GLIPR1: variants seen among roughly 807,000 people sequenced by gnomAD.
GLIPR1 encodes glioma pathogenesis-related protein 1.
GLIPR1 carries 38 observed loss-of-function variants against 30.3 expected under a neutral mutation model. The ratio of observed to expected loss-of-function variants is 1.26; its 90% CI spans 0.97 to 1.65. The LOEUF is 1.65. GLIPR1 is among the 40% of genes most tolerant of loss of function. The probability of loss-of-function intolerance (pLI) is 0.00; values close to 1 mark genes in which losing one functional copy is unlikely to be tolerated. For missense variants in GLIPR1, 285 were observed against 326.5 expected, an observed-to-expected ratio of 0.87 and a Z score of 0.98; for synonymous variants, 122 against 110.6, an observed-to-expected ratio of 1.10 and a Z score of -0.65.
At position 75,495,602 on chromosome 12, in the gene GLIPR1, A is replaced by G. The variant is rs1362606571; in HGVS notation, c.559A>G (p.Lys187Glu). The G allele has an allele frequency of 1.2e-6, 2 of 1,609,780 alleles. No individual in the cohort carries two copies. The highest frequency in any genetic ancestry group is 1.3e-5 in the African/African-American group (1 of 74,832). ...PGGNYPTWPY[K>E]RGATCSACPN... ...AGGGAATTACCCAACTTGGCCATATAAGAGAGGAGCCACCTGCAGTGCCTG... is the reference window on the plus strand; with the variant it reads ...AGGGAATTACCCAACTTGGCCATATGAGAGAGGAGCCACCTGCAGTGCCTG... Residue 187 changes from lysine (K) to glutamate (E), a missense_variant, in exon 4 of 6, where the codon AAG becomes GAG. By Grantham distance (56) the Lys-to-Glu change is moderately conservative (BLOSUM62 1). Coordinates refer to ENST00000266659, the MANE Select transcript of GLIPR1 (RefSeq NM_006851.3).
chr12:75,485,223 C>T (rs1170942008), intron 2 of GLIPR1, among the ~76,000 whole-genome samples: 1 of 152,076 alleles, frequency 6.6e-6, no homozygotes, highest in African/African-American at 2.4e-5. Flanking sequence ...AGATTCAGGC[C>T]CATTAACTCC....
At chr12:75,486,866 A>G (rs1003039599) in intron 2 of GLIPR1, among the ~76,000 whole-genome samples, 2 of 152,164 alleles carry the variant, frequency 1.3e-5, no homozygotes, top group South Asian at 2.1e-4. Flanking sequence ...AAAATATTCT[A>G]TATCTTGAAT....
intron 2 of GLIPR1, chr12:75,484,869 G>T: frequency 5.6e-6 from 1 of 177,572 alleles, no homozygotes; most frequent in South Asian, 1.8e-4. Flanking sequence ...GAGATATGAT[G>T]GCTTAGCTTG....
At chr12:75,495,997 GTTTTT>G (rs370713345) in intron 4 of GLIPR1, 1 of 132,126 alleles carries the variant, frequency 7.6e-6, no homozygotes, top group African/African-American at 3.0e-5. Flanking sequence ...TTCTGTTTTC[GTTTTT>G]TTTTTTGTTT....
rs777563404 is a variant in GLIPR1, at chr12:75,498,800, G to A, written c.647-24G>A. ...GCATTATGAGGAACAATGTCTAAGA[G>A]GATATTCTATGTTTGTTTCACAGGT... is the stretch of plus-strand genomic sequence containing the variant. On this transcript the variant is annotated intron_variant, in intron 5 of 5. Coordinates refer to ENST00000266659, the MANE Select transcript of GLIPR1 (RefSeq NM_006851.3). 3.7e-6 allele frequency: 6 copies of A among 1,611,672 alleles called. No individual in the cohort carries two copies. The Admixed American group carries it at 1.0e-4, about 27-fold the overall frequency.
Position 75,501,638 on chromosome 12 carries a change from C to A in GLIPR1, c.*2660C>A. ...TAAGAGAACTGATGAAAAGATACAA[C>A]TGTTTCTTAAAAAGATTCAGACAAA... On this transcript the variant is annotated 3_prime_UTR_variant, in exon 6 of 6. Coordinates refer to ENST00000266659, the MANE Select transcript of GLIPR1 (RefSeq NM_006851.3). 2.4e-6 allele frequency: 2 copies of A among 846,334 alleles called. No homozygotes were observed. Among genetic ancestry groups the A allele is most frequent in the Non-Finnish European group, 3.8e-6 (2 of 524,988 alleles). The allele number at this position is 846,334 out of a possible 1,614,324, so 52.4% of individuals were successfully genotyped here.
intron 2 of GLIPR1, 79 bp downstream of exon 2, chr12:75,482,158 T>C: frequency 1.7e-6 from 2 of 1,212,092 alleles, no homozygotes; most frequent in East Asian, 4.7e-5. Context: ...GTTAAGAAAA[T>C]GTATAGTATG....
At position 75,481,018 on chromosome 12, in the gene GLIPR1, A is replaced by C. The variant is rs2046267639; in HGVS notation, c.138A>C (p.Ser46=). The change falls in exon 1 of 6, where the codon TCA becomes TCC. Residue 46 remains serine (S), a synonymous_variant. Coordinates refer to ENST00000266659, the MANE Select transcript of GLIPR1 (RefSeq NM_006851.3). ...TTCGAATCCATAACAAGTTCCGATC[A>C]GAGGTGAAACCAACAGCCAGTGATA... The part of the protein sequence containing the change: ...DCVRIHNKFR[S]EVKPTASDML... 1.2e-6 allele frequency: 2 copies of C among 1,613,816 alleles called. No individual in the cohort carries two copies. The highest frequency in any genetic ancestry group is 1.7e-6 in the Non-Finnish European group (2 of 1,179,822).
chr12:75,489,446 C>T lies in GLIPR1; in HGVS notation c.421-960C>T, dbSNP rs566241843. On this transcript the variant is annotated intron_variant, in intron 2 of 5. Transcript: ENST00000266659. Reference sequence around the variant, plus strand: ...TGTCTTCCAGATTTACATCTCTAGCCTTACCCTGTCCTCTGGACTGCAGCC... The same window carrying T: ...TGTCTTCCAGATTTACATCTCTAGCTTTACCCTGTCCTCTGGACTGCAGCC... Among the ~76,000 whole-genome samples, 35 of 152,276 alleles carry T rather than the reference C, an allele frequency of 2.3e-4. No homozygotes were observed. The South Asian group carries it at 3.9e-3, about 17-fold the overall frequency.
Position 75,499,135 on chromosome 12 carries a change from C to G in GLIPR1, c.*157C>G. The G allele has an allele frequency of 2.1e-6, 1 of 481,796 alleles. No homozygotes were observed. Among genetic ancestry groups the G allele is most frequent in the East Asian group, 3.4e-5 (1 of 29,386 alleles). The allele number at this position is 481,796 out of a possible 1,614,324, so 29.8% of individuals were successfully genotyped here. A position where few individuals can be genotyped will look rare whatever the true frequency, so the allele number is the denominator to read the frequency against. ...ACTCAAAAGAAGAAATTTCCTAACT[C>G]TATCAGATAAACTCATCTTTAGTAT... is the stretch of plus-strand genomic sequence containing the variant. On this transcript the variant is annotated 3_prime_UTR_variant, in exon 6 of 6. Transcript: ENST00000266659.
At chr12:75,483,811 A>G (rs964151975) in intron 2 of GLIPR1, 5 of 152,232 alleles carry the variant, frequency 3.3e-5, no homozygotes, top group Admixed American at 6.5e-5. Context: ...TGTGGAAAGT[A>G]TACAATGTGT....
At chr12:75,481,800 T>A in intron 1 of GLIPR1, 34 bp from the exon 2 acceptor site, 1 of 1,606,558 alleles carries the variant, frequency 6.2e-7, no homozygotes, top group Non-Finnish European at 8.5e-7. Context: ...ACATTTCAGA[T>A]GAACCCCCTA....
intron 4 of GLIPR1, chr12:75,495,997 G>GTTTTTTTTTTTT (rs370713345): frequency 7.6e-6 from 1 of 132,126 alleles, no homozygotes; most frequent in Non-Finnish European, 1.6e-5. Context: ...TTCTGTTTTC[G>GTTTTTTTTTTTT]TTTTTTTTTT....
In GLIPR1 at chr12:75,501,895, C is replaced by A. The variant is rs1274886250; in HGVS notation, c.*2917C>A. ...TCAAGTATCTATGAACTTTGCTATT[C>A]ATGTGAGCCAGACATAAAGTGCCGT... On this transcript the variant is annotated 3_prime_UTR_variant, in exon 6 of 6. Coordinates refer to ENST00000266659, the MANE Select transcript of GLIPR1 (RefSeq NM_006851.3). The A allele has an allele frequency of 1.2e-6, 2 of 1,601,676 alleles. No individual in the cohort carries two copies. Among genetic ancestry groups the A allele is most frequent in the Non-Finnish European group, 1.7e-6 (2 of 1,173,310 alleles).
chr12:75,489,592 T>C (rs1159810945), intron 2 of GLIPR1, among the ~76,000 whole-genome samples: 1 of 152,116 alleles, frequency 6.6e-6, no homozygotes, highest in African/African-American at 2.4e-5. Context: ...TCTCAGTAAA[T>C]GTTTCTCAGG....
chr12:75,498,592 G>A (rs1686274544), intron 4 of GLIPR1, 102 bp from the exon 5 acceptor site: 1 of 889,822 alleles, frequency 1.1e-6, no homozygotes. Flanking sequence ...TAAAGCCAAA[G>A]CAAGTTAATG....
At chr12:75,482,800 C>T (rs1418887334) in intron 2 of GLIPR1, among the ~76,000 whole-genome samples, 1 of 151,472 alleles carries the variant, frequency 6.6e-6, no homozygotes, top group Non-Finnish European at 1.5e-5. Context: ...AAACAACTCT[C>T]TAGGGAGCAT....
Position 75,502,103 on chromosome 12 carries a change from C to CTGAT in GLIPR1, c.*3127_*3130dup. ...TTAGGGTAAAAACAATGGGGTCAAACTGATTTATTAATAAAAATGGTAGTG... is the reference window on the plus strand; with the variant it reads ...TTAGGGTAAAAACAATGGGGTCAAACTGATTGATTTATTAATAAAAATGGTAGTG... On this transcript the variant is annotated 3_prime_UTR_variant, in exon 6 of 6. Transcript: ENST00000266659. 1.2e-6 allele frequency: 1 copy of CTGAT among 865,054 alleles called. No homozygotes were observed. The highest frequency in any genetic ancestry group is 1.9e-6 in the Non-Finnish European group (1 of 531,828). 53.6% of individuals were successfully genotyped at this position (865,054 alleles called of 1,614,324 possible).
At chr12:75,493,286 C>G (rs180837743) in intron 3 of GLIPR1, 1 of 152,298 alleles carries the variant, frequency 6.6e-6, no homozygotes, top group East Asian at 1.9e-4. Flanking sequence ...GGAATGTCCT[C>G]ATTTCCCTTT....
Sources: gnomAD v4.1 joint callset for allele counts (sites outside exome capture counted in the v4.1 genomes callset) on GRCh38, gnomAD v4.1.1 for gene constraint, MANE v1.5 for transcripts, NCBI Gene and HGNC (gene_info 2026-07-23, HGNC 2026-07-21) for gene names.